The following MACC1 variants were observed in gnomAD, a reference collection of about 807,000 sequenced individuals.
MACC1 encodes the protein metastasis-associated in colon cancer protein 1.
A neutral mutation model predicts 70.7 loss-of-function variants in MACC1; 79 were observed. The observed-to-expected ratio is 1.12, with a 90% CI of 0.93 to 1.35. The LOEUF is 1.35. Ranked by LOEUF, MACC1 falls within the 40% of genes most tolerant of loss-of-function variation. MACC1 has a pLI of 0.00. For missense variants in MACC1, 1,106 were observed against 978.1 expected (o/e 1.13, Z -1.74); for synonymous variants, 361 against 347.2 (o/e 1.04, Z -0.44).
At chr7:20,153,368 AGCTTCTG>A (rs1384461322) in intron 6 of MACC1, 2 of 152,252 alleles carry the variant, frequency 1.3e-5, no homozygotes, top group African/African-American at 4.8e-5. Flanking sequence ...TGAAGAATAC[AGCTTCTG>A]CTCTCACCAA....
Position 20,140,369 on chromosome 7 carries a change from C to T in MACC1, c.*577G>A, listed in dbSNP as rs1404783875. 1 of 152,150 alleles carries T rather than the reference C, an allele frequency of 6.6e-6. No individual in the cohort carries two copies. The highest frequency in any genetic ancestry group is 2.4e-5 in the African/African-American group (1 of 41,420). The allele number at this position is 152,150 out of a possible 1,614,324, so 9.4% of individuals were successfully genotyped here. Reference sequence around the variant, plus strand: ...TTCTCTCCACTTCTGAGTTTCTCCCCATGAAAAATGGGGGTGATGCTGGTG... The same window carrying T: ...TTCTCTCCACTTCTGAGTTTCTCCCTATGAAAAATGGGGGTGATGCTGGTG... On this transcript the variant is annotated 3_prime_UTR_variant, in exon 7 of 7. Transcript: ENST00000400331.
intron 1 of MACC1, among the ~76,000 whole-genome samples, chr7:20,179,036 T>A (rs755216633): frequency 6.6e-6 from 1 of 152,222 alleles, no homozygotes; most frequent in Admixed American, 6.5e-5. Flanking sequence ...TTTCTTCAGA[T>A]TTATTAACTT....
intron 1 of MACC1, among the ~76,000 whole-genome samples, chr7:20,179,362 A>G (rs184859137): frequency 6.6e-6 from 1 of 152,308 alleles, no homozygotes; most frequent in East Asian, 1.9e-4. Flanking sequence ...TCAGCATTCT[A>G]TTTCTTCAAA....
At chr7:20,215,651 G>T (rs529733205) in intron 1 of MACC1, among the ~76,000 whole-genome samples, 1 of 152,284 alleles carries the variant, frequency 6.6e-6, no homozygotes, top group East Asian at 1.9e-4. Flanking sequence ...TGCCATAAGG[G>T]ATGTTTAGTC....
chr7:20,197,590 A>G (rs1782772677), intron 1 of MACC1, among the ~76,000 whole-genome samples: 1 of 152,172 alleles, frequency 6.6e-6, no homozygotes, highest in Non-Finnish European at 1.5e-5. Flanking sequence ...TCGTACGCCT[A>G]CTCACAATAA....
At chr7:20,171,497 G>A (rs530986676) in intron 1 of MACC1, among the ~76,000 whole-genome samples, 2 of 151,470 alleles carry the variant, frequency 1.3e-5, no homozygotes, top group Admixed American at 6.6e-5. Context: ...CTTGTGATCC[G>A]CCTGCCTCGG....
intron 1 of MACC1, among the ~76,000 whole-genome samples, chr7:20,184,768 A>G (rs1782559857): frequency 6.6e-6 from 1 of 152,108 alleles, no homozygotes; most frequent in Non-Finnish European, 1.5e-5. Flanking sequence ...TAGGAGCACC[A>G]TTTTCCAGCA....
chr7:20,182,003 A>G (rs1409782852), intron 1 of MACC1, among the ~76,000 whole-genome samples: 1 of 151,980 alleles, frequency 6.6e-6, no homozygotes, highest in African/African-American at 2.4e-5. Flanking sequence ...ATGGAATACT[A>G]TGCAGCCATA....
intron 6 of MACC1, among the ~76,000 whole-genome samples, chr7:20,149,030 C>G (rs1023419000): frequency 2.0e-5 from 3 of 152,186 alleles, no homozygotes; most frequent in Non-Finnish European, 4.4e-5. Flanking sequence ...TAAGCAGAAT[C>G]CAGAAGTTGC....
chr7:20,161,685 A>G (rs1454610279), intron 4 of MACC1, 63 bp downstream of exon 4: 6 of 978,922 alleles, frequency 6.1e-6, no homozygotes, highest in Non-Finnish European at 9.7e-6. Context: ...ACCTTCAACA[A>G]TTATTGGTGA....
intron 1 of MACC1, among the ~76,000 whole-genome samples, chr7:20,188,913 A>G (rs1419688304): frequency 6.6e-6 from 1 of 152,248 alleles, no homozygotes; most frequent in Non-Finnish European, 1.5e-5. Flanking sequence ...CTAAAGTTAT[A>G]TAGCCTATAT....
intron 1 of MACC1, among the ~76,000 whole-genome samples, chr7:20,201,303 A>C (rs1782830613): frequency 1.3e-5 from 2 of 152,220 alleles, no homozygotes; most frequent in African/African-American, 4.8e-5. Flanking sequence ...ATCTGGGTTC[A>C]AATGCTAGCT....
chr7:20,173,418 T>C (rs1469355912), intron 1 of MACC1, among the ~76,000 whole-genome samples: 4 of 152,180 alleles, frequency 2.6e-5, no homozygotes, highest in African/African-American at 7.2e-5. Flanking sequence ...ATAGGAAAGA[T>C]TAGTTTTGTT....
intron 2 of MACC1, among the ~76,000 whole-genome samples, chr7:20,167,579 C>G (rs1782239396): frequency 6.6e-6 from 1 of 151,090 alleles, no homozygotes; most frequent in African/African-American, 2.4e-5. Context: ...AAGTAGCAAA[C>G]CAGTCTTTGA....
chr7:20,155,800 G>C (rs1336954324), intron 5 of MACC1, among the ~76,000 whole-genome samples: 1 of 152,142 alleles, frequency 6.6e-6, no homozygotes, highest in African/African-American at 2.4e-5. Flanking sequence ...AAACAATACT[G>C]AGCTAGCGGG....
At chr7:20,169,494 C>G (rs1193233341) in intron 2 of MACC1, among the ~76,000 whole-genome samples, 2 of 152,206 alleles carry the variant, frequency 1.3e-5, no homozygotes, top group Non-Finnish European at 2.9e-5. Context: ...AGGGTCCTCA[C>G]TTGCATGGTC....
chr7:20,182,842 A>G (rs1052555276), intron 1 of MACC1, among the ~76,000 whole-genome samples: 2 of 152,276 alleles, frequency 1.3e-5, no homozygotes, highest in Non-Finnish European at 2.9e-5. Flanking sequence ...TAACAATAGC[A>G]GCAATATCTA....
intron 1 of MACC1, among the ~76,000 whole-genome samples, chr7:20,204,834 GAAGT>G (rs778331011): frequency 5.5e-4 from 83 of 152,122 alleles, no homozygotes; most frequent in African/African-American, 1.7e-4. Flanking sequence ...TATTCTAAAA[GAAGT>G]AATACTTGTA....
chr7:20,143,440 G>A lies in MACC1; in HGVS notation c.2347-2282C>T, dbSNP rs184272636. On this transcript the variant is annotated intron_variant, in intron 6 of 6. Transcript: ENST00000400331. ...GTCTGGCTCTGTCGCCCAGGCTGGA[G>A]TGCAGTGGTGTGATTTCAGCTCACT... Among the ~76,000 whole-genome samples, 427 of 152,296 alleles carry A rather than the reference G, an allele frequency of 2.8e-3. 1 individual carries two copies. The highest frequency in any genetic ancestry group is 4.3e-3 in the Non-Finnish European group (291 of 68,038).
Sources: allele counts gnomAD v4.1 joint callset (sites outside exome capture counted in the v4.1 genomes callset), GRCh38; gene constraint gnomAD v4.1.1; transcripts MANE v1.5; gene names NCBI Gene and HGNC (gene_info 2026-07-23, HGNC 2026-07-21).